The following WDR93 variants were observed in gnomAD, a reference collection of about 807,000 sequenced individuals.
The protein encoded by WDR93 is WD repeat-containing protein 93.
In WDR93, 73 loss-of-function variants were observed where a neutral mutation model predicts 82.9. That is an observed-to-expected ratio of 0.88 (90% CI 0.73 to 1.07). The LOEUF (loss-of-function observed/expected upper bound fraction) is 1.07. WDR93 is among the 50% of genes least tolerant of loss of function. WDR93 has a pLI of 0.00. For synonymous variants in WDR93, 283 were observed against 300.1 expected, an observed-to-expected ratio of 0.94 and a Z score of 0.59; for missense variants, 738 against 826.0, an observed-to-expected ratio of 0.89 and a Z score of 1.31.
intron 6 of WDR93, among the ~76,000 whole-genome samples, chr15:89,716,642 C>A (rs1195918690): frequency 6.6e-6 from 1 of 152,200 alleles, no homozygotes; most frequent in Non-Finnish European, 1.5e-5. Flanking sequence ...GGTGTTCTGA[C>A]TGATCTCCTC....
At chr15:89,711,514 T>C (rs1965974467) in intron 4 of WDR93, among the ~76,000 whole-genome samples, 1 of 125,608 alleles carries the variant, frequency 8.0e-6, no homozygotes, top group South Asian at 2.7e-4. Context: ...TTTTTAAAAA[T>C]TAGCGAGTCT....
chr15:89,707,569 GACACAGACACAC>G (rs1484106274), intron 4 of WDR93, among the ~76,000 whole-genome samples: 1 of 151,390 alleles, frequency 6.6e-6, no homozygotes, highest in African/African-American at 2.4e-5. Context: ...TACACACAGA[GACACAGACACAC>G]ACACACAAAT....
intron 13 of WDR93, among the ~76,000 whole-genome samples, chr15:89,734,006 TGTGTGTGC>T (rs1480218861): frequency 3.3e-5 from 5 of 151,510 alleles, no homozygotes; most frequent in African/African-American, 1.2e-4. Flanking sequence ...TGTGTGTGTG[TGTGTGTGC>T]GCGCGCGCAT....
intron 16 of WDR93, among the ~76,000 whole-genome samples, chr15:89,740,274 C>CATGA (rs765928906): frequency 1.4e-4 from 21 of 152,138 alleles, no homozygotes; most frequent in Non-Finnish European, 2.8e-4. Context: ...CTAGCTCATA[C>CATGA]CTGCACTTAA....
intron 13 of WDR93, among the ~76,000 whole-genome samples, chr15:89,735,114 T>TCAAAGTGCTGGGCCCC (rs775040159): frequency 1.3e-5 from 2 of 152,056 alleles, no homozygotes; most frequent in African/African-American, 4.8e-5. Flanking sequence ...ACTCCTGGGC[T>TCAAAGTGCTGGGCCCC]CAAAGTGCTG....
chr15:89,720,487 G>C (rs1966479863), intron 7 of WDR93, among the ~76,000 whole-genome samples: 1 of 152,110 alleles, frequency 6.6e-6, no homozygotes. Flanking sequence ...TGGTCAGGCT[G>C]GTCTTGAACT....
At chr15:89,716,321 A>C (rs78041987) in intron 6 of WDR93, among the ~76,000 whole-genome samples, 1 of 152,204 alleles carries the variant, frequency 6.6e-6, no homozygotes, top group African/African-American at 2.4e-5. Flanking sequence ...ATGGATAATA[A>C]ATTTCTAGAT....
intron 13 of WDR93, among the ~76,000 whole-genome samples, chr15:89,734,706 C>G (rs1028743394): frequency 2.6e-5 from 4 of 151,996 alleles, no homozygotes; most frequent in Admixed American, 2.6e-4. Context: ...ACATTTAGGC[C>G]AGGTACAGAG....
At chr15:89,726,682 T>C (rs1450582181) in intron 8 of WDR93, among the ~76,000 whole-genome samples, 1 of 152,144 alleles carries the variant, frequency 6.6e-6, no homozygotes, top group Non-Finnish European at 1.5e-5. Flanking sequence ...AAGATTTTTT[T>C]AAAGGAAGGT....
chr15:89,737,745 A>G lies in WDR93; in HGVS notation c.1765+16A>G. 2 of 1,614,070 alleles carry G rather than the reference A, an allele frequency of 1.2e-6. No homozygotes were observed. Among genetic ancestry groups the G allele is most frequent in the Non-Finnish European group, 1.7e-6 (2 of 1,179,954 alleles). On this transcript the variant is annotated intron_variant, in intron 15 of 16. Coordinates refer to ENST00000268130, the MANE Select transcript of WDR93 (RefSeq NM_020212.2). Reference sequence around the variant, plus strand: ...CTGCTCCGAGGTACAGAAAGGGACCAGGGCTGATGCCCACTGACCATTTCC... The same window carrying G: ...CTGCTCCGAGGTACAGAAAGGGACCGGGGCTGATGCCCACTGACCATTTCC...
chr15:89,693,348 C>T (rs1964997625), intron 1 of WDR93, among the ~76,000 whole-genome samples: 1 of 152,168 alleles, frequency 6.6e-6, no homozygotes, highest in Non-Finnish European at 1.5e-5. Flanking sequence ...TATCTGTTTG[C>T]CTGTTGGTGG....
At chr15:89,703,415 T>A (rs1006654090) in intron 3 of WDR93, 2 of 475,038 alleles carry the variant, frequency 4.2e-6, no homozygotes, top group African/African-American at 3.9e-5. Context: ...GGAAGCTAAA[T>A]AACTTATTTG....
intron 4 of WDR93, among the ~76,000 whole-genome samples, chr15:89,708,248 T>G (rs1330566616): frequency 1.3e-5 from 2 of 152,234 alleles, no homozygotes; most frequent in Non-Finnish European, 2.9e-5. Context: ...ACTTCAAACA[T>G]GCTATTATGT....
intron 8 of WDR93, 147 bp from the exon 9 acceptor site, chr15:89,727,010 G>C: frequency 1.2e-6 from 1 of 864,724 alleles, no homozygotes; most frequent in Non-Finnish European, 1.8e-6. Context: ...GCCGGGAGAA[G>C]ACTGAATACA....
In WDR93 at chr15:89,738,060, T is replaced by C. The variant is rs750744116; in HGVS notation, c.1785T>C (p.Thr595=). ...TCACAGGAGACTATTCACATGAAAC[T>C]GCGTCCACCGACGATGCTGGAATCC... ...FLLRGDYSHE[T]ASTDDAGIQY... is the part of the protein sequence containing the mutation. Residue 595 remains threonine (T), a synonymous_variant, in exon 16 of 17, where the codon ACT becomes ACC. Transcript: ENST00000268130. 1.2e-6 allele frequency: 2 copies of C among 1,612,110 alleles called. No individual in the cohort carries two copies. The highest frequency in any genetic ancestry group is 1.7e-5 in the Admixed American group (1 of 59,722).
chr15:89,743,495 A>G lies in WDR93; in HGVS notation c.*104A>G. ...AAATGTAACAGAGCCACAGCTCCAC[A>G]GGCCTGCACTCGGAGTCTGGGGCCT... On this transcript the variant is annotated 3_prime_UTR_variant, in exon 17 of 17. Transcript: ENST00000268130. 9.2e-7 allele frequency: 1 copy of G among 1,090,674 alleles called. No homozygotes were observed. Among genetic ancestry groups the G allele is most frequent in the Non-Finnish European group, 1.4e-6 (1 of 740,542 alleles). The allele number at this position is 1,090,674 out of a possible 1,614,324, so 67.6% of individuals were successfully genotyped here.
upstream of WDR93, chr15:89,690,640 A>G (rs1596053535): frequency 1.2e-5 from 18 of 1,550,578 alleles, no homozygotes; most frequent in East Asian, 4.4e-4. Flanking sequence ...CATGGCTTCT[A>G]GCCCAAAGGC....
chr15:89,734,694 C>A (rs1270654469), intron 13 of WDR93, among the ~76,000 whole-genome samples: 1 of 152,066 alleles, frequency 6.6e-6, no homozygotes, highest in East Asian at 1.9e-4. Context: ...TAAGAATTAA[C>A]CACATTTAGG....
In WDR93 at chr15:89,737,693, G is replaced by T. The variant is rs1967316452; in HGVS notation, c.1729G>T (p.Ala577Ser). The T allele has an allele frequency of 6.2e-7, 1 of 1,614,106 alleles. No homozygotes were observed. Among genetic ancestry groups the T allele is most frequent in the African/African-American group, 1.3e-5 (1 of 74,932 alleles). ...PLEVPWKPVF[A>S]VSPDHPCFLL... ...GGAGGTCCCCTGGAAGCCAGTGTTTGCTGTGTCTCCAGACCATCCATGTTT... is the reference window on the plus strand; with the variant it reads ...GGAGGTCCCCTGGAAGCCAGTGTTTTCTGTGTCTCCAGACCATCCATGTTT... Residue 577 changes from alanine to serine, a missense_variant, in exon 15 of 17, where the codon GCT (alanine) becomes TCT (serine). Physicochemically the swap from Ala to Ser is moderately conservative, Grantham distance 99. Coordinates refer to ENST00000268130, the MANE Select transcript of WDR93 (RefSeq NM_020212.2).
Sources: allele counts gnomAD v4.1 joint callset (sites outside exome capture counted in the v4.1 genomes callset), GRCh38; gene constraint gnomAD v4.1.1; transcripts MANE v1.5; gene names NCBI Gene and HGNC (gene_info 2026-07-23, HGNC 2026-07-21).